The following ADAM32 variants were observed in gnomAD, a reference collection of about 807,000 sequenced individuals.
The protein encoded by ADAM32 is ADAM metallopeptidase domain 32, also known as disintegrin and metalloproteinase domain-containing protein 32.
ADAM32 carries 89 observed loss-of-function variants against 114.9 expected under a neutral mutation model. The observed-to-expected ratio is 0.77, with a 90% CI of 0.65 to 0.92. ADAM32 has a LOEUF of 0.92. Ranked by LOEUF, ADAM32 falls within the 40% of genes least tolerant of loss-of-function variation. ADAM32 has a pLI of 0.00. For synonymous variants in ADAM32, 285 were observed against 307.5 expected (o/e 0.93, Z 0.77); for missense variants, 870 against 932.8 (o/e 0.93, Z 0.88).
chr8:39,165,891 A>G (rs558297679), intron 9 of ADAM32: 2 of 151,954 alleles, frequency 1.3e-5, no homozygotes, highest in African/African-American at 4.8e-5. Context: ...TGTCATTTTA[A>G]TTTGCTTTTT....
chr8:39,250,023 C>T (rs1811185392), intron 17 of ADAM32, among the ~76,000 whole-genome samples: 1 of 151,928 alleles, frequency 6.6e-6, no homozygotes, highest in African/African-American at 2.4e-5. Context: ...CTTTGATTTT[C>T]TGTAGTTTGA....
At chr8:39,204,446 G>GCA (rs1807673471) in intron 11 of ADAM32, among the ~76,000 whole-genome samples, 1 of 152,126 alleles carries the variant, frequency 6.6e-6, no homozygotes, top group Non-Finnish European at 1.5e-5. Context: ...TTGTGCATTT[G>GCA]TCACGTAGTT....
intron 14 of ADAM32, among the ~76,000 whole-genome samples, chr8:39,230,398 G>A (rs1337862749): frequency 1.3e-5 from 2 of 152,184 alleles, no homozygotes; most frequent in East Asian, 1.9e-4. Context: ...AACTTTAGAT[G>A]CCACACGTAG....
intron 11 of ADAM32, among the ~76,000 whole-genome samples, chr8:39,210,885 C>A (rs1808159753): frequency 6.6e-6 from 1 of 152,050 alleles, no homozygotes; most frequent in East Asian, 1.9e-4. Context: ...CTGCTCAAAT[C>A]CTTTGCCTAT....
rs189855573 is a variant in ADAM32, at chr8:39,253,558, T to C, written c.1903-856T>C. On this transcript the variant is annotated intron_variant, in intron 17 of 24. Coordinates refer to ENST00000379907, the MANE Select transcript of ADAM32 (RefSeq NM_145004.7). ...TCCATAAAACTAGTAGAAGAAATAA[T>C]GAATTCAGTAAAGTTGCAGGACACA... is the stretch of plus-strand genomic sequence containing the variant. Among the ~76,000 whole-genome samples the C allele has an allele frequency of 3.0e-3, 450 of 151,682 alleles. 2 individuals are homozygous for C. The highest frequency in any genetic ancestry group is 9.8e-3 in the African/African-American group (407 of 41,502).
chr8:39,160,615 T>C (rs564272606), intron 6 of ADAM32, among the ~76,000 whole-genome samples: 1 of 151,078 alleles, frequency 6.6e-6, no homozygotes, highest in Admixed American at 6.6e-5. Flanking sequence ...TTATTTCTGA[T>C]ATGCAGATGA....
At chr8:39,156,257 C>T (rs948165177) in intron 6 of ADAM32, among the ~76,000 whole-genome samples, 4 of 152,102 alleles carry the variant, frequency 2.6e-5, no homozygotes, top group Admixed American at 1.3e-4. Context: ...AGGTGATCCT[C>T]CTGCCTCTGC....
chr8:39,117,073 G>A (rs933557336), intron 1 of ADAM32, among the ~76,000 whole-genome samples: 1 of 151,462 alleles, frequency 6.6e-6, no homozygotes, highest in African/African-American at 2.4e-5. Context: ...CAGTAGAGAC[G>A]GGGTTTCACT....
At chr8:39,172,006 T>G (rs926631250) in intron 10 of ADAM32, among the ~76,000 whole-genome samples, 9 of 151,184 alleles carry the variant, frequency 6.0e-5, no homozygotes, top group African/African-American at 2.2e-4. Flanking sequence ...GATGTAAGAA[T>G]TAAATAAATA....
At chr8:39,200,251 G>A (rs1240577840) in intron 11 of ADAM32, among the ~76,000 whole-genome samples, 2 of 152,280 alleles carry the variant, frequency 1.3e-5, no homozygotes, top group African/African-American at 2.4e-5. Flanking sequence ...GTGTAAAAAT[G>A]TTCCTATTTC....
chr8:39,144,454 A>G (rs1309178963), intron 3 of ADAM32, among the ~76,000 whole-genome samples: 1 of 152,238 alleles, frequency 6.6e-6, no homozygotes, highest in African/African-American at 2.4e-5. Context: ...TTGGTAGGGT[A>G]GAGGGAGGAT....
intron 16 of ADAM32, among the ~76,000 whole-genome samples, chr8:39,242,243 A>G (rs1810608664): frequency 6.6e-6 from 1 of 152,148 alleles, no homozygotes; most frequent in African/African-American, 2.4e-5. Flanking sequence ...GGATGTTCCA[A>G]ACTTTCCCAC....
chr8:39,241,729 C>T (rs1004045690), intron 16 of ADAM32, among the ~76,000 whole-genome samples: 1 of 152,172 alleles, frequency 6.6e-6, no homozygotes, highest in African/African-American at 2.4e-5. Context: ...GTCATTTTTT[C>T]CCTCCTAAAC....
At chr8:39,196,178 G>T (rs546118819) in intron 11 of ADAM32, among the ~76,000 whole-genome samples, 2 of 152,094 alleles carry the variant, frequency 1.3e-5, no homozygotes, top group South Asian at 4.2e-4. Flanking sequence ...ACTAATTTTT[G>T]TATGCTGATT....
chr8:39,180,398 G>A (rs182177370), intron 10 of ADAM32, among the ~76,000 whole-genome samples: 139 of 152,320 alleles, frequency 9.1e-4, no homozygotes, highest in East Asian at 3.9e-4. Flanking sequence ...AGCCTCCCCC[G>A]CCTCAGCCTC....
At chr8:39,146,171 G>C (rs900086869) in intron 3 of ADAM32, among the ~76,000 whole-genome samples, 10 of 152,114 alleles carry the variant, frequency 6.6e-5, no homozygotes, top group African/African-American at 2.4e-4. Flanking sequence ...AGTGACGGTG[G>C]GTTGAAGAGT....
intron 11 of ADAM32, among the ~76,000 whole-genome samples, chr8:39,203,607 A>G (rs539733488): frequency 1.2e-3 from 183 of 152,210 alleles, no homozygotes; most frequent in Non-Finnish European, 1.7e-3. Context: ...TGTGTCTTTT[A>G]ATTGGAGCAT....
At chr8:39,234,133 A>G (rs2129449444) in intron 16 of ADAM32, 51 bp downstream of exon 16, 1 of 1,186,756 alleles carries the variant, frequency 8.4e-7, no homozygotes, top group Non-Finnish European at 1.1e-6. Context: ...TATTGTTTTC[A>G]TCTTTTTATT....
intron 14 of ADAM32, among the ~76,000 whole-genome samples, chr8:39,225,212 C>T (rs984673203): frequency 6.6e-6 from 1 of 152,198 alleles, no homozygotes; most frequent in African/African-American, 2.4e-5. Context: ...TGTGTGCACT[C>T]ATACGTCAGT....
Sources: gnomAD v4.1 joint callset for allele counts (sites outside exome capture counted in the v4.1 genomes callset) on GRCh38, gnomAD v4.1.1 for gene constraint, MANE v1.5 for transcripts, NCBI Gene and HGNC (gene_info 2026-07-23, HGNC 2026-07-21) for gene names.